Variants in FEZF1 observed in about 807,000 individuals in gnomAD.
FEZF1 encodes the protein FEZ family zinc finger 1.
In FEZF1, 8 loss-of-function variants were observed where a neutral mutation model predicts 32.4. The observed-to-expected ratio is 0.25, with a 90% CI of 0.15 to 0.45. The LOEUF (loss-of-function observed/expected upper bound fraction) is 0.45, where lower values mean the gene tolerates loss of function less well. Among genes scored for constraint, FEZF1 ranks in the 20% least tolerant of loss-of-function variants. The pLI, the probability that FEZF1 is intolerant of heterozygous loss-of-function variation, is 1.00. For synonymous variants in FEZF1, 259 were observed against 265.2 expected (o/e 0.98, Z 0.23); for missense variants, 546 against 622.3 (o/e 0.88, Z 1.31).
At position 122,304,652 on chromosome 7, in the gene FEZF1, G is replaced by A. The variant is rs891325403; in HGVS notation, c.-215C>T. On this transcript the variant is annotated 5_prime_UTR_variant, in exon 1 of 4. Coordinates refer to ENST00000442488, the MANE Select transcript of FEZF1 (RefSeq NM_001024613.4). ...AGAGTTCTTGGCGCACCAATGACTC[G>A]GGGACAATCACTACTTATTTCTATC... 5.3e-5 allele frequency: 24 copies of A among 451,338 alleles called. No homozygotes were observed. The highest frequency in any genetic ancestry group is 4.4e-4 in the African/African-American group (22 of 49,974). The allele number at this position is 451,338 out of a possible 1,614,324, so 28.0% of individuals were successfully genotyped here. A position where few individuals can be genotyped will look rare whatever the true frequency, so the allele number is the denominator to read the frequency against.
chr7:122,301,882 A>C lies in FEZF1; in HGVS notation c.*115T>G. On this transcript the variant is annotated 3_prime_UTR_variant, in exon 4 of 4. Transcript: ENST00000442488. ...ATGCAGAGGCTTCTGGTCGGCCCTG[A>C]AGTGTGGGGCCCAACATGCCCTGGG... is the stretch of plus-strand genomic sequence containing the variant. 7.0e-7 allele frequency: 1 copy of C among 1,435,082 alleles called. No homozygotes were observed. The highest frequency in any genetic ancestry group is 9.3e-7 in the Non-Finnish European group (1 of 1,077,604). The allele number at this position is 1,435,082 out of a possible 1,614,324, so 88.9% of individuals were successfully genotyped here. A position where few individuals can be genotyped will look rare whatever the true frequency, so the allele number is the denominator to read the frequency against.
Position 122,301,631 on chromosome 7 carries a change from A to C in FEZF1, c.*366T>G, listed in dbSNP as rs2031034671. 5.0e-6 allele frequency: 1 copy of C among 201,086 alleles called. No homozygotes were observed. The highest frequency in any genetic ancestry group is 9.8e-6 in the Non-Finnish European group (1 of 101,652). The allele number at this position is 201,086 out of a possible 1,614,324, so 12.5% of individuals were successfully genotyped here. A position where few individuals can be genotyped will look rare whatever the true frequency, so the allele number is the denominator to read the frequency against. ...ATGATGCAGCATTCCCGGGTAGAAT[A>C]ATACAGATCTCAATAAATATAGCAG... On this transcript the variant is annotated 3_prime_UTR_variant, in exon 4 of 4. Coordinates refer to ENST00000442488, the MANE Select transcript of FEZF1 (RefSeq NM_001024613.4).
rs747114666 is a variant in FEZF1 at position 122,302,094 on chromosome 7, G to C, written c.1331C>G (p.Pro444Arg). 5 of 1,610,614 alleles carry C rather than the reference G, an allele frequency of 3.1e-6. No individual in the cohort carries two copies. The South Asian group carries it at 3.3e-5, about 11-fold the overall frequency. ...CGTCATCGGCGGCTGCTGCGGTAGC[G>C]GGGGCGGCGGTTCAGTGCCTGGTTC... ...AGEPGTEPPP[P>R]LPQQPPMTLP... Residue 444 changes from proline to arginine, a missense_variant, in exon 4 of 4, where the codon CCG becomes CGG. This residue lies in a region of FEZF1 where 83 missense variants were observed against 73.0 expected (regional missense o/e 1.14). Coordinates refer to ENST00000442488, the MANE Select transcript of FEZF1 (RefSeq NM_001024613.4). This position sits in a 1 kb window ranked among gnomAD's most constrained non-coding sequence, Gnocchi z 4.4.
Position 122,303,933 on chromosome 7 carries a change from G to A in FEZF1, c.505C>T (p.Pro169Ser). 1.9e-6 allele frequency: 3 copies of A among 1,610,148 alleles called. No individual in the cohort carries two copies. The change falls in exon 1 of 4, where the codon CCA becomes TCA. Residue 169 changes from proline to serine, a missense_variant. Physicochemically the swap from Pro to Ser is moderately conservative, Grantham distance 74. This residue lies in a region of FEZF1 where 345 missense variants were observed against 360.6 expected (regional missense o/e 0.96). Coordinates refer to ENST00000442488, the MANE Select transcript of FEZF1 (RefSeq NM_001024613.4). ...TTCACGCCGGCTGCCGGGTGGCATG[G>A]GCCGTCACCTCGGTTCAGGTAGCAC... ...ALCYLNRGDG[P>S]CHPAAGVNIH...
At chr7:122,308,487 G>A (rs1017539011), upstream of FEZF1, 21 of 151,988 alleles carry the variant, frequency 1.4e-4, no homozygotes, top group African/African-American at 4.8e-4. Context: ...ATTTCCACAG[G>A]CTTTTTGTTG....
In FEZF1 at chr7:122,304,092, T is replaced by C; in HGVS notation, c.346A>G (p.Ser116Gly). ...GCGCAGTTGAGCAGGTCGCTGCAGC[T>C]GAATGCGGGAGCCGAGGGCACCGCC... ...PAAVPSAPAFSCSDLLNCALS... is the reference protein window; with the variant it reads ...PAAVPSAPAFGCSDLLNCALS... The change falls in exon 1 of 4, where the codon AGC (serine) becomes GGC (glycine). Residue 116 changes from serine (S) to glycine (G), a missense_variant. Around this residue, in one of 3 missense-constraint regions of FEZF1, gnomAD observed 345 missense variants for 360.6 expected, o/e 0.96. Coordinates refer to ENST00000442488, the MANE Select transcript of FEZF1 (RefSeq NM_001024613.4). 6.3e-7 allele frequency: 1 copy of C among 1,575,402 alleles called. No individual in the cohort carries two copies. Among genetic ancestry groups the C allele is most frequent in the Admixed American group, 1.8e-5 (1 of 54,074 alleles).
At chr7:122,310,226 C>T (rs2031385530) in exon 1 of FEZF1, 1 of 152,226 alleles carries the variant, frequency 6.6e-6, no homozygotes. Context: ...CCGGGAGTGC[C>T]CCGCGCCGAC....
Position 122,302,965 on chromosome 7 carries a change from G to A in FEZF1, c.937-34C>T. 6.3e-7 allele frequency: 1 copy of A among 1,581,546 alleles called. No homozygotes were observed. Among genetic ancestry groups the A allele is most frequent in the Non-Finnish European group, 8.6e-7 (1 of 1,164,794 alleles). On this transcript the variant is annotated intron_variant, in intron 2 of 3. Coordinates refer to ENST00000442488, the MANE Select transcript of FEZF1 (RefSeq NM_001024613.4). This position sits in a 1 kb window ranked among gnomAD's most constrained non-coding sequence, Gnocchi z 4.4. ...GAGAAAGGAAAAGCAGAGACATTTA[G>A]ATATTTTCTAATTATGTGAAGTTCT...
rs1162496586 is a variant in FEZF1 at position 122,304,289 on chromosome 7, T to C, written c.149A>G (p.His50Arg). The change falls in exon 1 of 4, where the codon CAC (histidine) becomes CGC (arginine). Residue 50 changes from histidine (H) to arginine (R), a missense_variant. By Grantham distance (29) the His-to-Arg change is conservative (BLOSUM62 0). Transcript: ENST00000442488. ...TPEPKALPVP[H>R]FLQGALPKGE... ...CTTGGGTAAGGCTCCCTGCAGGAAG[T>C]GGGGGACTGGCAGGGCCTTGGGCTC... The C allele has an allele frequency of 5.0e-6, 8 of 1,612,000 alleles. No homozygotes were observed. The South Asian group carries it at 7.7e-5, about 16-fold the overall frequency.
chr7:122,301,658 A>C lies in FEZF1; in HGVS notation c.*339T>G. 3.9e-6 allele frequency: 1 copy of C among 253,288 alleles called. No individual in the cohort carries two copies. Among genetic ancestry groups the C allele is most frequent in the Non-Finnish European group, 7.4e-6 (1 of 136,040 alleles). The allele number at this position is 253,288 out of a possible 1,614,324, so 15.7% of individuals were successfully genotyped here. A position where few individuals can be genotyped will look rare whatever the true frequency, so the allele number is the denominator to read the frequency against. On this transcript the variant is annotated 3_prime_UTR_variant, in exon 4 of 4. Coordinates refer to ENST00000442488, the MANE Select transcript of FEZF1 (RefSeq NM_001024613.4). Reference sequence around the variant, plus strand: ...TACAGATCTCAATAAATATAGCAGAAATTTGTTTAAACAAAACAAAACAAA... The same window carrying C: ...TACAGATCTCAATAAATATAGCAGACATTTGTTTAAACAAAACAAAACAAA...
rs1283382494 is a variant in FEZF1, at chr7:122,301,918, G to A, written c.*79C>T. 8 of 1,517,308 alleles carry A rather than the reference G, an allele frequency of 5.3e-6. No homozygotes were observed. The highest frequency in any genetic ancestry group is 2.3e-4 in the Middle Eastern group (1 of 4,386). The allele number at this position is 1,517,308 out of a possible 1,614,324, so 94.0% of individuals were successfully genotyped here. A position where few individuals can be genotyped will look rare whatever the true frequency, so the allele number is the denominator to read the frequency against. ...CCAACATGCCCTGGGGTCTGCAGACGAACTCGGACCAGGAGCTCTAGTCTG... is the reference window on the plus strand; with the variant it reads ...CCAACATGCCCTGGGGTCTGCAGACAAACTCGGACCAGGAGCTCTAGTCTG... On this transcript the variant is annotated 3_prime_UTR_variant, in exon 4 of 4. Transcript: ENST00000442488.
chr7:122,306,838 C>T (rs1020681602), upstream of FEZF1: 1 of 152,332 alleles, frequency 6.6e-6, no homozygotes, highest in Non-Finnish European at 1.5e-5. Context: ...CAGGCTGGGA[C>T]AACTGATGCA....
In FEZF1 at chr7:122,302,223, G is replaced by A. The variant is rs746150596; in HGVS notation, c.1202C>T (p.Thr401Ile). Reference sequence around the variant, plus strand: ...GAAACCCTTGCCGCACGTGGGGCAGGTGAAAGGCTTCTTGTCGTTGTGGGT... The same window carrying A: ...GAAACCCTTGCCGCACGTGGGGCAGATGAAAGGCTTCTTGTCGTTGTGGGT... ...MHTHNDKKPF[T>I]CPTCGKGFCR... is the part of the protein sequence containing the mutation. Residue 401 changes from threonine (T) to isoleucine (I), a missense_variant, in exon 4 of 4, where the codon ACC becomes ATC. Transcript: ENST00000442488. This position sits in a 1 kb window ranked among gnomAD's most constrained non-coding sequence, Gnocchi z 4.4. 1.2e-6 allele frequency: 2 copies of A among 1,614,230 alleles called. No individual in the cohort carries two copies. Among genetic ancestry groups the A allele is most frequent in the South Asian group, 2.2e-5 (2 of 91,092 alleles).
chr7:122,304,130 G>A lies in FEZF1; in HGVS notation c.308C>T (p.Pro103Leu), dbSNP rs987562788. The A allele has an allele frequency of 3.1e-6, 5 of 1,600,156 alleles. No individual in the cohort carries two copies. In the Admixed American group the frequency reaches 5.1e-5, roughly 16 times the overall value. The change falls in exon 1 of 4, where the codon CCG becomes CTG. Residue 103 changes from proline to leucine, a missense_variant. Physicochemically the swap from Pro to Leu is moderately conservative, Grantham distance 98. Around this residue, in one of 3 missense-constraint regions of FEZF1, gnomAD observed 345 missense variants for 360.6 expected, o/e 0.96. Transcript: ENST00000442488. Reference protein sequence around the residue: ...SEPRKASLEAPAAPAAVPSAP... With the variant: ...SEPRKASLEALAAPAAVPSAP... ...CGAGGGCACCGCCGCGGGCGCCGCCGGGGCCTCCAGACTGGCCTTCCGCGG... is the reference window on the plus strand; with the variant it reads ...CGAGGGCACCGCCGCGGGCGCCGCCAGGGCCTCCAGACTGGCCTTCCGCGG...
upstream of FEZF1, among the ~76,000 whole-genome samples, chr7:122,309,241 T>G (rs2031362390): frequency 1.3e-5 from 2 of 152,174 alleles, no homozygotes; most frequent in Admixed American, 1.3e-4. Flanking sequence ...TTTGCTAAGT[T>G]CCTAAAGCAA....
upstream of FEZF1, chr7:122,309,487 T>C (rs1159255912): frequency 2.6e-5 from 4 of 152,206 alleles, no homozygotes; most frequent in Non-Finnish European, 5.9e-5. Context: ...GTGAGAGCTG[T>C]TAATGAGGTG....
Position 122,304,100 on chromosome 7 carries a change from G to A in FEZF1, c.338C>T (p.Pro113Leu). Residue 113 changes from proline (P) to leucine (L), a missense_variant, in exon 1 of 4, where the codon CCC becomes CTC. This residue lies in a region of FEZF1 where 345 missense variants were observed against 360.6 expected (regional missense o/e 0.96). Coordinates refer to ENST00000442488, the MANE Select transcript of FEZF1 (RefSeq NM_001024613.4). ...GAGCAGGTCGCTGCAGCTGAATGCGGGAGCCGAGGGCACCGCCGCGGGCGC... is the reference window on the plus strand; with the variant it reads ...GAGCAGGTCGCTGCAGCTGAATGCGAGAGCCGAGGGCACCGCCGCGGGCGC... ...PAAPAAVPSAPAFSCSDLLNC... is the reference protein window; with the variant it reads ...PAAPAAVPSALAFSCSDLLNC... The A allele has an allele frequency of 1.3e-6, 2 of 1,579,290 alleles. No individual in the cohort carries two copies. The highest frequency in any genetic ancestry group is 1.7e-6 in the Non-Finnish European group (2 of 1,162,878).
In FEZF1 at chr7:122,304,429, A is replaced by G. The variant is rs1316653633; in HGVS notation, c.9T>C (p.Ser3=). The G allele has an allele frequency of 1.9e-6, 3 of 1,571,668 alleles. No homozygotes were observed. The highest frequency in any genetic ancestry group is 1.7e-6 in the Non-Finnish European group (2 of 1,153,274). Residue 3 remains serine, a synonymous_variant, in exon 1 of 4, where the codon AGT becomes AGC. Transcript: ENST00000442488. MD[S]SCHNATTKML... is the part of the protein sequence containing the mutation. ...TTTTGGTAGTCGCGTTGTGGCAGCTACTGTCCATGTCTGAGTCGCCAGCGT... is the reference window on the plus strand; with the variant it reads ...TTTTGGTAGTCGCGTTGTGGCAGCTGCTGTCCATGTCTGAGTCGCCAGCGT...
intron 1 of FEZF1, 116 bp from the exon 2 acceptor site, chr7:122,303,427 C>A (rs2031116431): frequency 7.9e-7 from 1 of 1,264,930 alleles, no homozygotes; most frequent in South Asian, 1.4e-5. Flanking sequence ...CAAATAATTA[C>A]CCCCAAAATA....
Sources: allele counts gnomAD v4.1 joint callset (sites outside exome capture counted in the v4.1 genomes callset), GRCh38; gene constraint gnomAD v4.1.1; regional missense constraint gnomAD v4.1.1; non-coding constraint Gnocchi (gnomAD v3.1); transcripts MANE v1.5; gene names NCBI Gene and HGNC (gene_info 2026-07-23, HGNC 2026-07-21).